Variants in TRAPPC9 observed in about 807,000 individuals in gnomAD.
The protein encoded by TRAPPC9 is trafficking protein particle complex subunit 9, also known as IKK2 binding protein.
In TRAPPC9, 83 loss-of-function variants were observed where a neutral mutation model predicts 124.0. The observed-to-expected ratio is 0.67, with a 90% CI of 0.56 to 0.80. The LOEUF (loss-of-function observed/expected upper bound fraction) is 0.80, where lower values mean the gene tolerates loss of function less well. Ranked by LOEUF, TRAPPC9 falls within the 30% of genes least tolerant of loss-of-function variation. TRAPPC9 has a pLI of 0.00. For synonymous variants in TRAPPC9, 638 were observed against 617.5 expected (o/e 1.03, Z -0.49); for missense variants, 1,302 against 1,508.3 (o/e 0.86, Z 2.27).
upstream of TRAPPC9, chr8:140,458,546 G>C: frequency 6.3e-7 from 1 of 1,580,762 alleles, no homozygotes; most frequent in East Asian, 2.3e-5. Flanking sequence ...GCGCGGTCTT[G>C]ATCCCCAGCT....
intron 19 of TRAPPC9, among the ~76,000 whole-genome samples, chr8:139,978,927 G>A (rs776736134): frequency 1.3e-5 from 2 of 152,106 alleles, no homozygotes; most frequent in Non-Finnish European, 2.9e-5. Context: ...GATAACCTGA[G>A]TTGCTTTCTT....
At position 140,181,320 on chromosome 8, in the gene TRAPPC9, G is replaced by C. The variant is rs535778064; in HGVS notation, c.2556+40139C>G. 7.0e-4 allele frequency among the ~76,000 whole-genome samples: 107 copies of C among 152,306 alleles called. 1 individual carries two copies. The highest frequency in any genetic ancestry group is 2.6e-3 in the African/African-American group (106 of 41,564). On this transcript the variant is annotated intron_variant, in intron 17 of 22. Transcript: ENST00000438773. ...CTGTCACCCAGGATGGACTGCAGTGGTGTGATCTCAGCTCACTACAACTTC... is the reference window on the plus strand; with the variant it reads ...CTGTCACCCAGGATGGACTGCAGTGCTGTGATCTCAGCTCACTACAACTTC...
intron 21 of TRAPPC9, among the ~76,000 whole-genome samples, chr8:139,800,393 G>A (rs1391718397): frequency 1.3e-5 from 2 of 152,260 alleles, no homozygotes; most frequent in African/African-American, 2.4e-5. Flanking sequence ...GCTGTTGGAA[G>A]AGGACACACG....
intron 17 of TRAPPC9, chr8:140,098,888 T>C (rs555289961): frequency 6.6e-6 from 1 of 151,146 alleles, no homozygotes; most frequent in African/African-American, 2.4e-5. Flanking sequence ...CCCGCCCAGA[T>C]CCTCCGCAGC....
chr8:139,963,687 G>A (rs868866843), intron 19 of TRAPPC9, among the ~76,000 whole-genome samples: 1 of 136,564 alleles, frequency 7.3e-6, no homozygotes, highest in Non-Finnish European at 1.5e-5. Context: ...TTTGATAGAT[G>A]TAACACAGGA....
intron 21 of TRAPPC9, among the ~76,000 whole-genome samples, chr8:139,883,059 G>A (rs1387412035): frequency 6.6e-6 from 1 of 152,208 alleles, no homozygotes; most frequent in Non-Finnish European, 1.5e-5. Context: ...TGATTGGGTC[G>A]TGAGGGCTCT....
intron 16 of TRAPPC9, among the ~76,000 whole-genome samples, chr8:140,233,687 A>G (rs1466381516): frequency 1.6e-5 from 2 of 126,586 alleles, no homozygotes; most frequent in Admixed American, 1.8e-4. Flanking sequence ...CACACACACA[A>G]ATGTTCAGTC....
chr8:140,129,001 ATATT>A (rs2061151277), intron 17 of TRAPPC9, among the ~76,000 whole-genome samples: 1 of 136,260 alleles, frequency 7.3e-6, no homozygotes, highest in African/African-American at 2.7e-5. Flanking sequence ...ATATATATAT[ATATT>A]AAAAAAAAAA....
intron 21 of TRAPPC9, among the ~76,000 whole-genome samples, chr8:139,743,387 T>C (rs556959340): frequency 6.6e-6 from 1 of 152,344 alleles, no homozygotes; most frequent in South Asian, 2.1e-4. Context: ...ATTTGGGATT[T>C]AAAAATGTAA....
chr8:140,257,414 G>A lies in TRAPPC9; in HGVS notation c.2279-4485C>T, dbSNP rs1040887658. 3.9e-5 allele frequency among the ~76,000 whole-genome samples: 6 copies of A among 152,092 alleles called. No homozygotes were observed. Among genetic ancestry groups the A allele is most frequent in the African/African-American group, 1.4e-4 (6 of 41,402 alleles). ...CCTTCCTTCTACTTCTCCTCCAATG[G>A]CACTCGGAGGTGCCATCCTGACGAC... On this transcript the variant is annotated intron_variant, in intron 15 of 22. Coordinates refer to ENST00000438773, the MANE Select transcript of TRAPPC9 (RefSeq NM_001160372.4). This position sits in a 1 kb window ranked among gnomAD's most constrained non-coding sequence, Gnocchi z 4.6.
intron 4 of TRAPPC9, among the ~76,000 whole-genome samples, chr8:140,432,611 G>A (rs2070682814): frequency 1.3e-5 from 2 of 152,122 alleles, no homozygotes; most frequent in East Asian, 3.9e-4. Context: ...AGTGGCTCAC[G>A]CCTGTAATCC....
At chr8:140,452,363 T>C (rs1242059530) in intron 1 of TRAPPC9, among the ~76,000 whole-genome samples, 2 of 137,936 alleles carry the variant, frequency 1.4e-5, no homozygotes, top group African/African-American at 2.8e-5. Context: ...GAGCTTGCAG[T>C]GAGCCCAGAT....
At chr8:140,325,203 C>T (rs1458735459) in intron 9 of TRAPPC9, among the ~76,000 whole-genome samples, 2 of 152,012 alleles carry the variant, frequency 1.3e-5, no homozygotes, top group East Asian at 3.8e-4. Context: ...TGAAGCAGTG[C>T]TTAGAGGGAA....
At chr8:140,288,120 C>T (rs935549969) in intron 12 of TRAPPC9, among the ~76,000 whole-genome samples, 1 of 152,196 alleles carries the variant, frequency 6.6e-6, no homozygotes, top group African/African-American at 2.4e-5. Flanking sequence ...GTGGAAAGAA[C>T]ACTTGAGCCC....
intron 21 of TRAPPC9, among the ~76,000 whole-genome samples, chr8:139,740,458 C>T (rs148196895): frequency 7.2e-5 from 11 of 152,348 alleles, no homozygotes; most frequent in South Asian, 2.1e-4. Flanking sequence ...AGGCAATGTG[C>T]GCATGCTGGG....
intron 12 of TRAPPC9, among the ~76,000 whole-genome samples, chr8:140,288,697 A>G (rs1229911534): frequency 1.3e-5 from 2 of 152,248 alleles, no homozygotes; most frequent in Admixed American, 6.5e-5. Context: ...GCAAAGTGAC[A>G]GAGTCAGAAA....
chr8:140,122,904 T>G (rs1241421397), intron 17 of TRAPPC9, among the ~76,000 whole-genome samples: 1 of 152,242 alleles, frequency 6.6e-6, no homozygotes, highest in South Asian at 2.1e-4. Flanking sequence ...TCCACAGCCA[T>G]CCCGAGCACG....
At chr8:140,026,956 G>A (rs902209963) in intron 17 of TRAPPC9, among the ~76,000 whole-genome samples, 7 of 151,628 alleles carry the variant, frequency 4.6e-5, no homozygotes, top group African/African-American at 1.5e-4. Flanking sequence ...CCCAAGCACC[G>A]CCCTGTCATC....
chr8:139,996,887 A>C (rs963108363), intron 18 of TRAPPC9, among the ~76,000 whole-genome samples: 2 of 152,034 alleles, frequency 1.3e-5, no homozygotes, highest in African/African-American at 4.8e-5. Context: ...TTACAGGCAC[A>C]CACCACCACA....
Sources: allele counts gnomAD v4.1 joint callset (sites outside exome capture counted in the v4.1 genomes callset), GRCh38; gene constraint gnomAD v4.1.1; non-coding constraint Gnocchi (gnomAD v3.1); transcripts MANE v1.5; gene names NCBI Gene and HGNC (gene_info 2026-07-23, HGNC 2026-07-21).